The following EMCN variants were observed in gnomAD, a reference collection of about 807,000 sequenced individuals.
EMCN encodes MUC-14.
In EMCN, 37 loss-of-function variants were observed where a neutral mutation model predicts 38.4. The ratio of observed to expected loss-of-function variants is 0.96; its 90% confidence interval spans 0.74 to 1.27. The LOEUF is 1.27. EMCN is among the 50% of genes most tolerant of loss of function. The pLI is 0.00. For synonymous variants in EMCN, 95 were observed against 100.8 expected, an observed-to-expected ratio of 0.94 and a Z score of 0.35; for missense variants, 318 against 302.8, an observed-to-expected ratio of 1.05 and a Z score of -0.37.
At chr4:100,517,315 G>A (rs1220648073) in intron 1 of EMCN, among the ~76,000 whole-genome samples, 3 of 152,052 alleles carry the variant, frequency 2.0e-5, no homozygotes, top group Non-Finnish European at 4.4e-5. Context: ...TCTATAGACT[G>A]TAATCAAATG....
intron 1 of EMCN, among the ~76,000 whole-genome samples, chr4:100,482,508 T>C (rs766755983): frequency 3.9e-5 from 6 of 152,118 alleles, no homozygotes; most frequent in Non-Finnish European, 7.4e-5. Flanking sequence ...AATATATCCA[T>C]GCAGGGAGAG....
intron 10 of EMCN, among the ~76,000 whole-genome samples, chr4:100,415,378 A>G (rs1726698781): frequency 6.6e-6 from 1 of 152,208 alleles, no homozygotes; most frequent in African/African-American, 2.4e-5. Context: ...AAAGACTTTT[A>G]CAATTCCAAT....
intron 5 of EMCN, among the ~76,000 whole-genome samples, chr4:100,428,349 G>T (rs1467826713): frequency 6.6e-6 from 1 of 152,008 alleles, no homozygotes; most frequent in Non-Finnish European, 1.5e-5. Flanking sequence ...TTTTCAGGGA[G>T]ACTTACCTTG....
intron 1 of EMCN, among the ~76,000 whole-genome samples, chr4:100,497,546 T>G (rs996203257): frequency 1.2e-4 from 18 of 152,212 alleles, no homozygotes; most frequent in South Asian, 2.1e-4. Context: ...CTGGCTAATT[T>G]TTTTGTATTT....
intron 1 of EMCN, 34 bp from the exon 2 acceptor site, chr4:100,480,073 C>T (rs1365713349): frequency 6.3e-7 from 1 of 1,586,430 alleles, no homozygotes; most frequent in Non-Finnish European, 8.6e-7. Context: ...TTAACATTTA[C>T]ATATAGTTTG....
intron 1 of EMCN, among the ~76,000 whole-genome samples, chr4:100,481,450 G>A (rs1043170504): frequency 6.2e-4 from 95 of 152,076 alleles, no homozygotes; most frequent in African/African-American, 2.2e-3. Flanking sequence ...AGCACATAGA[G>A]AAAAGTGTTC....
chr4:100,405,483 A>G (rs1189092318), intron 11 of EMCN, among the ~76,000 whole-genome samples: 2 of 151,976 alleles, frequency 1.3e-5, no homozygotes, highest in African/African-American at 4.8e-5. Flanking sequence ...TGATCATGCA[A>G]TTTTTGTTTT....
intron 5 of EMCN, among the ~76,000 whole-genome samples, chr4:100,439,042 A>G (rs1374543151): frequency 1.3e-5 from 2 of 152,042 alleles, no homozygotes; most frequent in African/African-American, 4.8e-5. Context: ...TTGCATCTGC[A>G]TTCGTCAGAC....
intron 2 of EMCN, among the ~76,000 whole-genome samples, chr4:100,478,502 T>C (rs573127884): frequency 6.6e-6 from 1 of 152,116 alleles, no homozygotes; most frequent in African/African-American, 2.4e-5. Flanking sequence ...TGGCATGAAG[T>C]CTGGGTTCCC....
intron 5 of EMCN, among the ~76,000 whole-genome samples, chr4:100,431,725 C>T (rs1199229164): frequency 2.0e-5 from 3 of 150,494 alleles, no homozygotes; most frequent in East Asian, 3.9e-4. Flanking sequence ...CAATACATCT[C>T]TCTCTCTCTT....
chr4:100,426,005 A>T (rs1727034226), intron 5 of EMCN, among the ~76,000 whole-genome samples: 1 of 152,166 alleles, frequency 6.6e-6, no homozygotes, highest in Non-Finnish European at 1.5e-5. Context: ...GAGCAAGCTG[A>T]TGAGACAGAG....
intron 5 of EMCN, among the ~76,000 whole-genome samples, chr4:100,436,465 G>A (rs1727355567): frequency 6.6e-6 from 1 of 152,136 alleles, no homozygotes; most frequent in Non-Finnish European, 1.5e-5. Flanking sequence ...ATTCCTCAAA[G>A]ACCTAGAGGC....
At chr4:100,402,307 T>G (rs1489376411) in intron 11 of EMCN, among the ~76,000 whole-genome samples, 1 of 152,180 alleles carries the variant, frequency 6.6e-6, no homozygotes, top group East Asian at 1.9e-4. Context: ...AAAATCTTGT[T>G]TTGATATGGA....
chr4:100,511,829 C>T (rs1360426866), intron 1 of EMCN, among the ~76,000 whole-genome samples: 2 of 125,618 alleles, frequency 1.6e-5, no homozygotes, highest in South Asian at 3.0e-4. Flanking sequence ...TCTGTTCAGA[C>T]AGTTTATAAA....
At chr4:100,490,113 C>T (rs906044609) in intron 1 of EMCN, among the ~76,000 whole-genome samples, 4 of 150,726 alleles carry the variant, frequency 2.7e-5, no homozygotes, top group Admixed American at 6.6e-5. Flanking sequence ...ATGATCATAG[C>T]CCTGTGTATG....
intron 2 of EMCN, among the ~76,000 whole-genome samples, chr4:100,478,599 T>C (rs1479177093): frequency 4.6e-5 from 7 of 151,942 alleles, no homozygotes; most frequent in Admixed American, 4.6e-4. Context: ...ATGAAGCAAA[T>C]GTGATAAAAT....
chr4:100,413,754 A>G (rs530278209), intron 10 of EMCN, among the ~76,000 whole-genome samples: 2 of 152,352 alleles, frequency 1.3e-5, no homozygotes, highest in Non-Finnish European at 2.9e-5. Flanking sequence ...TAAAAGCAAT[A>G]CAATTTCTAA....
intron 2 of EMCN, among the ~76,000 whole-genome samples, chr4:100,475,892 G>C (rs1024220319): frequency 2.0e-5 from 3 of 151,630 alleles, no homozygotes; most frequent in East Asian, 1.9e-4. Context: ...CCGTGTTAGC[G>C]AGGATGGTCT....
intron 4 of EMCN, among the ~76,000 whole-genome samples, chr4:100,462,576 T>C (rs1728209928): frequency 6.6e-6 from 1 of 152,172 alleles, no homozygotes; most frequent in African/African-American, 2.4e-5. Flanking sequence ...CAGATATATA[T>C]ATAGTAGTTT....
Sources: gnomAD v4.1 joint callset for allele counts (sites outside exome capture counted in the v4.1 genomes callset) on GRCh38, gnomAD v4.1.1 for gene constraint, MANE v1.5 for transcripts, NCBI Gene and HGNC (gene_info 2026-07-23, HGNC 2026-07-21) for gene names.